The following NDUFA10 variants were observed in gnomAD, a reference collection of about 807,000 sequenced individuals.
The protein encoded by NDUFA10 is NADH dehydrogenase [ubiquinone] 1 alpha subcomplex subunit 10, mitochondrial.
NDUFA10 carries 40 observed loss-of-function variants against 47.8 expected under a neutral mutation model. That is an observed-to-expected ratio of 0.84 (90% CI 0.65 to 1.09). The LOEUF is 1.09. Ranked by LOEUF, NDUFA10 falls within the 50% of genes least tolerant of loss-of-function variation. NDUFA10 has a pLI of 0.00. For missense variants in NDUFA10, 413 were observed against 451.1 expected, an observed-to-expected ratio of 0.92 and a Z score of 0.76; for synonymous variants, 183 against 172.2, an observed-to-expected ratio of 1.06 and a Z score of -0.49.
intron 8 of NDUFA10, among the ~76,000 whole-genome samples, chr2:239,995,780 G>A (rs757744862): frequency 6.6e-6 from 1 of 152,218 alleles, no homozygotes; most frequent in East Asian, 1.9e-4. Context: ...GAAAGCTGCA[G>A]TGGCTATATT....
intron 4 of NDUFA10, among the ~76,000 whole-genome samples, chr2:239,931,831 C>CATTT (rs1553557862): frequency 1.1e-5 from 1 of 90,184 alleles, no homozygotes; most frequent in Non-Finnish European, 2.0e-5. Context: ...TGCACCTCTG[C>CATTT]TTTTTTTTTT....
chr2:239,992,937 T>C (rs1384385135), intron 8 of NDUFA10, among the ~76,000 whole-genome samples: 1 of 152,172 alleles, frequency 6.6e-6, no homozygotes, highest in Non-Finnish European at 1.5e-5. Context: ...TGTTAGAAAA[T>C]TGGTCATAAT....
At chr2:240,006,235 A>G (rs1443134888) in intron 7 of NDUFA10, among the ~76,000 whole-genome samples, 2 of 152,238 alleles carry the variant, frequency 1.3e-5, no homozygotes, top group South Asian at 2.1e-4. Flanking sequence ...TCAAAGGTAT[A>G]TAAATACTCT....
chr2:239,956,167 C>T (rs549938382), downstream of NDUFA10, among the ~76,000 whole-genome samples: 4 of 152,352 alleles, frequency 2.6e-5, no homozygotes, highest in Admixed American at 2.6e-4. Context: ...ACCCATCTGT[C>T]AGGAACAAGC....
chr2:239,964,537 T>C (rs916260075), intron 9 of NDUFA10, among the ~76,000 whole-genome samples: 12 of 152,272 alleles, frequency 7.9e-5, no homozygotes, highest in African/African-American at 2.2e-4. Context: ...GTCTGCTTTT[T>C]ATGATGGGAG....
intron 4 of NDUFA10, among the ~76,000 whole-genome samples, chr2:239,900,411 A>C (rs1252370909): frequency 7.0e-6 from 1 of 142,316 alleles, no homozygotes; most frequent in African/African-American, 2.6e-5. Context: ...ACAGGCCTCT[A>C]GCCAGGGCAC....
intron 4 of NDUFA10, among the ~76,000 whole-genome samples, chr2:239,950,052 G>C (rs1201711271): frequency 6.6e-6 from 1 of 152,142 alleles, no homozygotes; most frequent in Non-Finnish European, 1.5e-5. Flanking sequence ...AGAAAAATCA[G>C]GCCGTCCCCA....
At chr2:239,956,683 T>C (rs1457891519), downstream of NDUFA10, among the ~76,000 whole-genome samples, 3 of 152,188 alleles carry the variant, frequency 2.0e-5, no homozygotes, top group African/African-American at 7.2e-5. Flanking sequence ...CTGTTCGTGC[T>C]TCCTAAACCG....
chr2:239,910,885 G>A (rs1053158738), intron 4 of NDUFA10, among the ~76,000 whole-genome samples: 8 of 152,282 alleles, frequency 5.3e-5, no homozygotes, highest in East Asian at 1.9e-4. Flanking sequence ...GCTCCTCCTC[G>A]TGAGCTGTCC....
intron 4 of NDUFA10, among the ~76,000 whole-genome samples, chr2:239,942,579 A>C (rs1259159973): frequency 6.6e-6 from 1 of 152,076 alleles, no homozygotes; most frequent in Non-Finnish European, 1.5e-5. Flanking sequence ...TATTGAATTC[A>C]TGTTCTTATC....
At chr2:239,944,132 C>T (rs755532906) in intron 4 of NDUFA10, among the ~76,000 whole-genome samples, 5 of 152,164 alleles carry the variant, frequency 3.3e-5, no homozygotes, top group African/African-American at 4.8e-5. Flanking sequence ...CTGCCCCTGA[C>T]CACTGCAGCC....
At chr2:239,915,039 G>T (rs975493898) in intron 4 of NDUFA10, among the ~76,000 whole-genome samples, 1 of 127,430 alleles carries the variant, frequency 7.8e-6, no homozygotes, top group African/African-American at 3.3e-5. Flanking sequence ...TACACACACA[G>T]AACACACACA....
Position 240,002,776 on chromosome 2 carries a change from A to G in NDUFA10, c.890+2434T>C, listed in dbSNP as rs1574872924. 2.0e-5 allele frequency among the ~76,000 whole-genome samples: 3 copies of G among 152,266 alleles called. No individual in the cohort carries two copies. The East Asian group carries it at 5.8e-4, about 29-fold the overall frequency. ...TTTTAACAGGGGGGCAGGAATTAAC[A>G]AACTAAGTAGAATGACTAGTTTTTT... is the stretch of plus-strand genomic sequence containing the variant. On this transcript the variant is annotated intron_variant, in intron 8 of 9. Coordinates refer to ENST00000252711, the MANE Select transcript of NDUFA10 (RefSeq NM_004544.4).
chr2:240,023,615 G>A (rs1046359573), intron 1 of NDUFA10, among the ~76,000 whole-genome samples: 1 of 151,948 alleles, frequency 6.6e-6, no homozygotes, highest in African/African-American at 2.4e-5. Context: ...AACAACGGAG[G>A]AATAGTTAAA....
intron 5 of NDUFA10, chr2:240,011,921 G>C: frequency 1.8e-6 from 1 of 569,490 alleles, no homozygotes; most frequent in South Asian, 1.9e-5. Flanking sequence ...CCCATAGCGT[G>C]ACTTTCTCCA....
intron 4 of NDUFA10, among the ~76,000 whole-genome samples, chr2:239,934,223 A>C (rs1277778494): frequency 2.0e-5 from 3 of 152,124 alleles, no homozygotes; most frequent in Non-Finnish European, 2.9e-5. Context: ...CCTGGATCCT[A>C]GTCTCCACAC....
intron 4 of NDUFA10, among the ~76,000 whole-genome samples, chr2:239,933,404 G>C (rs1265896539): frequency 6.6e-6 from 1 of 152,180 alleles, no homozygotes; most frequent in African/African-American, 2.4e-5. Context: ...GAGGACAAAG[G>C]CTGCAGCCGG....
At chr2:239,943,983 C>A (rs1694404326) in intron 4 of NDUFA10, among the ~76,000 whole-genome samples, 1 of 152,182 alleles carries the variant, frequency 6.6e-6, no homozygotes, top group African/African-American at 2.4e-5. Flanking sequence ...CGAGATGTCC[C>A]CAGACTCAGG....
At chr2:239,932,408 C>A (rs889586497) in intron 4 of NDUFA10, among the ~76,000 whole-genome samples, 1 of 152,214 alleles carries the variant, frequency 6.6e-6, no homozygotes, top group Non-Finnish European at 1.5e-5. Flanking sequence ...GGTTACCATG[C>A]GACAGCAGTA....
Sources: allele counts gnomAD v4.1 joint callset (sites outside exome capture counted in the v4.1 genomes callset), GRCh38; gene constraint gnomAD v4.1.1; transcripts MANE v1.5; gene names NCBI Gene and HGNC (gene_info 2026-07-23, HGNC 2026-07-21).